Variants in PCDHGB6 observed in about 807,000 individuals in gnomAD.
PCDHGB6 encodes the protein protocadherin gamma subfamily B, 6, also known as protocadherin gamma-B6.
Under a neutral mutation model 59.1 loss-of-function variants are expected in PCDHGB6, and 51 were observed. The ratio of observed to expected loss-of-function variants is 0.86; its 90% CI spans 0.69 to 1.09. The LOEUF is 1.09. Among genes scored for constraint, PCDHGB6 ranks in the 50% least tolerant of loss-of-function variants. PCDHGB6 has a pLI of 0.00. For synonymous variants in PCDHGB6, 466 were observed against 495.1 expected, an observed-to-expected ratio of 0.94 and a Z score of 0.78; for missense variants, 1,148 against 1,205.1, an observed-to-expected ratio of 0.95 and a Z score of 0.70.
chr5:141,410,689 C>T, intron 1 of PCDHGB6, 69 bp downstream of exon 1: 2 of 1,514,926 alleles, frequency 1.3e-6, no homozygotes, highest in Non-Finnish European at 1.8e-6. Flanking sequence ...AGGCATACTA[C>T]TTTATTTTCA....
chr5:141,456,042 C>T (rs1437027249), intron 1 of PCDHGB6, among the ~76,000 whole-genome samples: 3 of 151,886 alleles, frequency 2.0e-5, no homozygotes, highest in Non-Finnish European at 2.9e-5. Flanking sequence ...GGACTACAGG[C>T]GCCCACCACC....
At position 141,485,326 on chromosome 5, in the gene PCDHGB6, T is replaced by C. The variant is rs2154580391; in HGVS notation, c.2419-9481T>C. On this transcript the variant is annotated intron_variant, in intron 1 of 3. Coordinates refer to ENST00000520790, the MANE Select transcript of PCDHGB6 (RefSeq NM_018926.3). This position sits in a 1 kb window ranked among gnomAD's most constrained non-coding sequence, Gnocchi z 5.7. ...CTTTTGTAGGGAATGTCGCTCAAGATTTCCTGCTGGATACGGACAGTCTGT... is the reference window on the plus strand; with the variant it reads ...CTTTTGTAGGGAATGTCGCTCAAGACTTCCTGCTGGATACGGACAGTCTGT... 1 of 1,614,106 alleles carries C rather than the reference T, an allele frequency of 6.2e-7. No homozygotes were observed. The highest frequency in any genetic ancestry group is 1.7e-5 in the Admixed American group (1 of 60,028).
intron 1 of PCDHGB6, among the ~76,000 whole-genome samples, chr5:141,488,350 C>G (rs1191478919): frequency 6.6e-6 from 1 of 152,176 alleles, no homozygotes; most frequent in Non-Finnish European, 1.5e-5. Context: ...GAAACAGCCA[C>G]CCTGTGCATC....
chr5:141,508,045 T>A (rs985875804), intron 3 of PCDHGB6: 1 of 152,264 alleles, frequency 6.6e-6, no homozygotes, highest in Non-Finnish European at 1.5e-5. Flanking sequence ...GCCAGCTGTG[T>A]TCCAGCTAAT....
Position 141,423,964 on chromosome 5 carries a change from A to G in PCDHGB6, c.2418+13344A>G, listed in dbSNP as rs569611136. On this transcript the variant is annotated intron_variant, in intron 1 of 3. Coordinates refer to ENST00000520790, the MANE Select transcript of PCDHGB6 (RefSeq NM_018926.3). ...AGTTGAATTTTAGTATTATTTTTCT[A>G]TTATCAGTGTATGAGGCTCTCAATT... The G allele has an allele frequency of 5.2e-5, 61 of 1,163,648 alleles. 2 individuals carry two copies. In the South Asian group the frequency reaches 1.7e-3, roughly 32 times the overall value. 72.1% of individuals were successfully genotyped at this position (1,163,648 alleles called of 1,614,324 possible).
At chr5:141,502,488 T>A (rs1273845698) in intron 2 of PCDHGB6, among the ~76,000 whole-genome samples, 1 of 152,236 alleles carries the variant, frequency 6.6e-6, no homozygotes, top group Non-Finnish European at 1.5e-5. Context: ...ACACTGGGAC[T>A]CATCTAACGT....
rs187307897 is a variant in PCDHGB6 at position 141,505,900 on chromosome 5, A to G, written c.2566+419A>G. 2.6e-4 allele frequency among the ~76,000 whole-genome samples: 39 copies of G among 152,296 alleles called. 1 individual carries two copies. In the East Asian group the frequency reaches 6.8e-3, roughly 26 times the overall value. ...TGTAGAGATTAAATGAGATGATACCACAAAGCATAGAGTTCTGGGCCTGGC... is the reference window on the plus strand; with the variant it reads ...TGTAGAGATTAAATGAGATGATACCGCAAAGCATAGAGTTCTGGGCCTGGC... On this transcript the variant is annotated intron_variant, in intron 3 of 3. Transcript: ENST00000520790.
At chr5:141,509,758 C>T (rs574741134) in intron 3 of PCDHGB6, among the ~76,000 whole-genome samples, 17 of 152,202 alleles carry the variant, frequency 1.1e-4, no homozygotes. Flanking sequence ...CTAAAGTGTC[C>T]CTGAGATGTC....
chr5:141,446,639 G>T (rs1461520959), intron 1 of PCDHGB6, among the ~76,000 whole-genome samples: 7 of 152,116 alleles, frequency 4.6e-5, no homozygotes, highest in Non-Finnish European at 8.8e-5. Flanking sequence ...ACCACGCCTG[G>T]CTAATTTTTG....
intron 1 of PCDHGB6, chr5:141,420,319 G>A (rs1393746531): frequency 7.0e-7 from 1 of 1,437,540 alleles, no homozygotes; most frequent in Non-Finnish European, 9.4e-7. Flanking sequence ...ATTACAATAT[G>A]CCAATATATT....
chr5:141,435,372 T>C (rs2097759153), intron 1 of PCDHGB6, among the ~76,000 whole-genome samples: 1 of 152,216 alleles, frequency 6.6e-6, no homozygotes, highest in African/African-American at 2.4e-5. Context: ...CACTTAAATA[T>C]ACAATATACC....
At chr5:141,497,849 T>G (rs1337258582) in intron 2 of PCDHGB6, among the ~76,000 whole-genome samples, 1 of 152,192 alleles carries the variant, frequency 6.6e-6, no homozygotes, top group African/African-American at 2.4e-5. Flanking sequence ...ACAAACATTT[T>G]TGATTCAGCG....
chr5:141,415,062 G>C, intron 1 of PCDHGB6: 1 of 1,613,426 alleles, frequency 6.2e-7, no homozygotes, highest in Non-Finnish European at 8.5e-7. Context: ...ACACGGGCGA[G>C]GTGCGCACGG....
chr5:141,432,094 C>G lies in PCDHGB6; in HGVS notation c.2418+21474C>G. On this transcript the variant is annotated intron_variant, in intron 1 of 3. Transcript: ENST00000520790. This position sits in a 1 kb window ranked among gnomAD's most constrained non-coding sequence, Gnocchi z 6.0. ...ATATCTCGCTGAACGTGGCAGACAC[C>G]AACGACAACCCGCCGGTCTTCCCTC... The G allele has an allele frequency of 6.2e-7, 1 of 1,614,178 alleles. No homozygotes were observed. The highest frequency in any genetic ancestry group is 8.5e-7 in the Non-Finnish European group (1 of 1,180,046).
rs779686795 is a variant in PCDHGB6, at chr5:141,476,566, G to A, written c.2419-18241G>A. On this transcript the variant is annotated intron_variant, in intron 1 of 3. Coordinates refer to ENST00000520790, the MANE Select transcript of PCDHGB6 (RefSeq NM_018926.3). The surrounding 1 kb of genome is among the most constrained non-coding windows in gnomAD (Gnocchi z 7.6). ...TGGAGATTAGCGAGGCCGTGGCTCC[G>A]GGGACGCGCTTTCCGCTCGAGAGCG... The A allele has an allele frequency of 1.2e-6, 2 of 1,614,062 alleles. No homozygotes were observed. Among genetic ancestry groups the A allele is most frequent in the East Asian group, 2.2e-5 (1 of 44,872 alleles).
chr5:141,427,881 C>A, intron 1 of PCDHGB6: 1 of 1,563,720 alleles, frequency 6.4e-7, no homozygotes, highest in African/African-American at 1.3e-5. Context: ...GATGCAGGCC[C>A]ACGACCAGGG....
intron 1 of PCDHGB6, chr5:141,427,807 A>C (rs1443881781): frequency 6.6e-7 from 1 of 1,522,050 alleles, no homozygotes; most frequent in South Asian, 1.1e-5. Flanking sequence ...GTGAGCGCAC[A>C]GAGCGGGGTG....
intron 1 of PCDHGB6, chr5:141,413,729 GAGTTC>G: frequency 6.2e-7 from 1 of 1,613,496 alleles, no homozygotes; most frequent in Non-Finnish European, 8.5e-7. Flanking sequence ...TTCTCCCTAA[GAGTTC>G]AGAGCCGTGC....
chr5:141,421,433 C>T, intron 1 of PCDHGB6: 1 of 1,614,074 alleles, frequency 6.2e-7, no homozygotes, highest in African/African-American at 1.3e-5. Flanking sequence ...CGCATCGTCT[C>T]CAGAGGGAAG....
Sources: gnomAD v4.1 joint callset for allele counts (sites outside exome capture counted in the v4.1 genomes callset) on GRCh38, gnomAD v4.1.1 for gene constraint, Gnocchi (gnomAD v3.1) non-coding constraint, MANE v1.5 for transcripts, NCBI Gene and HGNC (gene_info 2026-07-23, HGNC 2026-07-21) for gene names.